RANBP3: variants seen among roughly 807,000 people sequenced by gnomAD.
RANBP3 encodes the protein ran-binding protein 3.
A neutral mutation model predicts 77.3 loss-of-function variants in RANBP3; 14 were observed. The ratio of observed to expected loss-of-function variants is 0.18; its 90% confidence interval spans 0.12 to 0.28. The LOEUF (loss-of-function observed/expected upper bound fraction) is 0.28. Ranked by LOEUF, RANBP3 falls within the 10% of genes least tolerant of loss-of-function variation. The pLI is 1.00. For missense variants in RANBP3, 586 were observed against 752.3 expected (o/e 0.78, Z 2.59); for synonymous variants, 315 against 312.4 (o/e 1.01, Z -0.09).
intron 3 of RANBP3, 128 bp from the exon 4 acceptor site, chr19:5,941,963 A>G (rs2058143516): frequency 1.9e-6 from 2 of 1,029,174 alleles, no homozygotes; most frequent in Admixed American, 2.0e-5. Context: ...CAGCACCCGA[A>G]TGAGAGCCAG....
intron 12 of RANBP3, 134 bp from the exon 13 acceptor site, chr19:5,923,437 C>A (rs1182967605): frequency 1.2e-6 from 1 of 803,012 alleles, no homozygotes; most frequent in Non-Finnish European, 2.0e-6. Flanking sequence ...CCTGCCCCGG[C>A]AACCCAAGTG....
At chr19:5,919,334 C>G (rs2057787545) in intron 14 of RANBP3, among the ~76,000 whole-genome samples, 1 of 152,234 alleles carries the variant, frequency 6.6e-6, no homozygotes, top group Non-Finnish European at 1.5e-5. Context: ...CGCCTCTCCC[C>G]ACTGGAGCAG....
intron 1 of RANBP3, among the ~76,000 whole-genome samples, chr19:5,964,123 C>T (rs916953478): frequency 2.0e-5 from 3 of 152,204 alleles, no homozygotes; most frequent in South Asian, 2.1e-4. Context: ...TGTGAGGCTC[C>T]GATGCAAAAT....
At chr19:5,973,433 G>A (rs796615152) in intron 1 of RANBP3, among the ~76,000 whole-genome samples, 3 of 152,314 alleles carry the variant, frequency 2.0e-5, no homozygotes, top group African/African-American at 7.2e-5. Context: ...GATGAGGAGG[G>A]GGATGTGCTA....
In RANBP3 at chr19:5,958,070, T is replaced by C; in HGVS notation, c.23-97A>G. ...GTAATATGTTAAACATATATATAAA[T>C]GAAACTAGTAACTCCAGAGAACATC... On this transcript the variant is annotated intron_variant, in intron 1 of 16. Transcript: ENST00000340578. The surrounding 1 kb of genome is among the most constrained non-coding windows in gnomAD (Gnocchi z 4.4). 9.2e-7 allele frequency: 1 copy of C among 1,092,028 alleles called. No individual in the cohort carries two copies. The highest frequency in any genetic ancestry group is 1.4e-6 in the Non-Finnish European group (1 of 730,116). The allele number at this position is 1,092,028 out of a possible 1,614,324, so 67.6% of individuals were successfully genotyped here. A position where few individuals can be genotyped will look rare whatever the true frequency, so the allele number is the denominator to read the frequency against.
chr19:5,930,805 G>A (rs1477844520), intron 8 of RANBP3, among the ~76,000 whole-genome samples: 1 of 152,158 alleles, frequency 6.6e-6, no homozygotes, highest in African/African-American at 2.4e-5. Context: ...CTGGCCTCAA[G>A]CAATCCACCT....
intron 15 of RANBP3, 99 bp downstream of exon 15, chr19:5,918,397 C>G: frequency 3.2e-6 from 1 of 313,254 alleles, no homozygotes; most frequent in Non-Finnish European, 5.4e-6. Flanking sequence ...AGCCCCTCCC[C>G]CCTCCCCTCC....
At position 5,923,794 on chromosome 19, in the gene RANBP3, G is replaced by T. The variant is rs373775887; in HGVS notation, c.1099+18C>A. On this transcript the variant is annotated intron_variant, in intron 12 of 16. Coordinates refer to ENST00000340578, the MANE Select transcript of RANBP3 (RefSeq NM_007322.3). ...TGACCTACCATGAGCCCCATGCTGTGGTGGGACGCTAACATACCTTTCTCA... is the reference window on the plus strand; with the variant it reads ...TGACCTACCATGAGCCCCATGCTGTTGTGGGACGCTAACATACCTTTCTCA... 2 of 1,575,738 alleles carry T rather than the reference G, an allele frequency of 1.3e-6. No homozygotes were observed. The highest frequency in any genetic ancestry group is 1.1e-5 in the South Asian group (1 of 90,280).
chr19:5,953,406 G>T (rs1042032503), intron 2 of RANBP3, among the ~76,000 whole-genome samples: 2 of 152,142 alleles, frequency 1.3e-5, no homozygotes, highest in Non-Finnish European at 2.9e-5. Context: ...GTGCACCAGG[G>T]CTAAGCTCAT....
At chr19:5,964,669 C>G (rs1032912469) in intron 1 of RANBP3, among the ~76,000 whole-genome samples, 5 of 152,040 alleles carry the variant, frequency 3.3e-5, no homozygotes, top group Non-Finnish European at 5.9e-5. Context: ...GACAGAAGGA[C>G]AAGCAGCATT....
intron 1 of RANBP3, among the ~76,000 whole-genome samples, chr19:5,965,291 G>A (rs1163179691): frequency 6.6e-6 from 1 of 152,102 alleles, no homozygotes; most frequent in South Asian, 2.1e-4. Context: ...CTTTATCTAG[G>A]GAAAGGGCCC....
chr19:5,918,762 C>T, intron 14 of RANBP3, 124 bp from the exon 15 acceptor site: 1 of 1,239,790 alleles, frequency 8.1e-7, no homozygotes, highest in Non-Finnish European at 1.1e-6. Context: ...ATGATCCTCC[C>T]AGGACCCACC....
chr19:5,933,062 C>A (rs2058016117), intron 6 of RANBP3: 9 of 294,094 alleles, frequency 3.1e-5, no homozygotes, highest in Middle Eastern at 9.9e-4. Context: ...GGAATGCAGC[C>A]ACCCTGCTAA....
At chr19:5,925,282 C>T (rs960441091) in intron 10 of RANBP3, 1 of 473,058 alleles carries the variant, frequency 2.1e-6, no homozygotes, top group African/African-American at 1.9e-5. Flanking sequence ...TGCCCAAACC[C>T]AGAATAAGGG....
rs2058367912 is a variant in RANBP3 at position 5,958,957 on chromosome 19, G to C, written c.23-984C>G. 6.6e-6 allele frequency among the ~76,000 whole-genome samples: 1 copy of C among 152,230 alleles called. No homozygotes were observed. Among genetic ancestry groups the C allele is most frequent in the Non-Finnish European group, 1.5e-5 (1 of 68,034 alleles). On this transcript the variant is annotated intron_variant, in intron 1 of 16. Transcript: ENST00000340578. The surrounding 1 kb of genome is among the most constrained non-coding windows in gnomAD (Gnocchi z 4.4). ...AGGGTTTGGGAAGAGCCCTGCCTTC[G>C]CAGGCCCCCCGACCCCGGTCGTGGG...
intron 1 of RANBP3, among the ~76,000 whole-genome samples, chr19:5,970,812 G>A (rs545043260): frequency 3.9e-5 from 6 of 152,258 alleles, no homozygotes; most frequent in African/African-American, 1.2e-4. Context: ...CCTCAGACTT[G>A]CGTATCATCG....
intron 8 of RANBP3, among the ~76,000 whole-genome samples, chr19:5,928,764 G>A (rs1013828193): frequency 1.1e-4 from 8 of 75,266 alleles, no homozygotes; most frequent in African/African-American, 4.0e-4. Flanking sequence ...CAACATGTAG[G>A]CATGACTTTT....
intron 14 of RANBP3, among the ~76,000 whole-genome samples, chr19:5,919,067 G>C (rs561090178): frequency 6.8e-6 from 1 of 147,628 alleles, no homozygotes; most frequent in African/African-American, 2.4e-5. Context: ...GTGTGTGTGA[G>C]ACATCGGCCT....
Position 5,951,570 on chromosome 19 carries a change from C to T in RANBP3, c.105G>A (p.Ser35=), listed in dbSNP as rs755968860. 7.4e-6 allele frequency: 12 copies of T among 1,613,558 alleles called. No individual in the cohort carries two copies. Among genetic ancestry groups the T allele is most frequent in the South Asian group, 1.1e-5 (1 of 90,966 alleles). Residue 35 remains serine, a synonymous_variant, in exon 3 of 17, where the codon TCG becomes TCA. Transcript: ENST00000340578. ...QKSPAEQKNL[S]DSGEEPRGEA... is the part of the protein sequence containing the mutation. ...CCCCCCGAGGCTCCTCTCCCGAATC[C>T]GACAAGTTTTTTTGCTCTGCAGGGG...
Sources: allele counts gnomAD v4.1 joint callset (sites outside exome capture counted in the v4.1 genomes callset), GRCh38; gene constraint gnomAD v4.1.1; non-coding constraint Gnocchi (gnomAD v3.1); transcripts MANE v1.5; gene names NCBI Gene and HGNC (gene_info 2026-07-23, HGNC 2026-07-21).